Variants in NAALADL2 observed in about 807,000 individuals in gnomAD.
The protein encoded by NAALADL2 is N-acetylated alpha-linked acidic dipeptidase like 2, also known as inactive N-acetylated-alpha-linked acidic dipeptidase-like protein 2.
Under a neutral mutation model 87.2 loss-of-function variants are expected in NAALADL2, and 76 were observed. The observed-to-expected ratio is 0.87, with a 90% CI of 0.72 to 1.05. The LOEUF (loss-of-function observed/expected upper bound fraction) is 1.05, where lower values mean the gene tolerates loss of function less well. Among genes scored for constraint, NAALADL2 ranks in the 50% least tolerant of loss-of-function variants. NAALADL2 has a pLI of 0.00. For synonymous variants in NAALADL2, 354 were observed against 331.0 expected (o/e 1.07, Z -0.75); for missense variants, 1,089 against 945.8 (o/e 1.15, Z -1.99).
rs547242179 is a variant in NAALADL2, at chr3:175,597,339, C to T, written c.1800+21152C>T. ...ATCTGTGAAGTCTCAATAATCAATACTGCAAGACCATGTCTAATTCTACCT... is the reference window on the plus strand; with the variant it reads ...ATCTGTGAAGTCTCAATAATCAATATTGCAAGACCATGTCTAATTCTACCT... On this transcript the variant is annotated intron_variant, in intron 10 of 13. Coordinates refer to ENST00000454872, the MANE Select transcript of NAALADL2 (RefSeq NM_207015.3). 9.9e-5 allele frequency among the ~76,000 whole-genome samples: 15 copies of T among 152,046 alleles called. No homozygotes were observed. In the South Asian group the frequency reaches 3.1e-3, roughly 32 times the overall value.
chr3:175,094,753 CTATAGTGTGTG>C (rs1483014480), intron 1 of NAALADL2, among the ~76,000 whole-genome samples: 35 of 74,442 alleles, frequency 4.7e-4, no homozygotes, highest in Admixed American at 4.4e-3. Flanking sequence ...GCACCAGACA[CTATAGTGTGTG>C]TGTGTGTGTG....
chr3:174,651,418 A>G (rs545273484), intron 2 of NAALADL2, among the ~76,000 whole-genome samples: 10 of 152,338 alleles, frequency 6.6e-5, no homozygotes, highest in African/African-American at 2.4e-4. Context: ...CATGTGGACA[A>G]GCAATATTAA....
intron 9 of NAALADL2, among the ~76,000 whole-genome samples, chr3:175,542,709 T>C (rs1712582368): frequency 6.6e-6 from 1 of 152,206 alleles, no homozygotes; most frequent in African/African-American, 2.4e-5. Context: ...CATGGACATG[T>C]GGAGCCAACT....
intron 11 of NAALADL2, among the ~76,000 whole-genome samples, chr3:175,731,763 G>T (rs1021495199): frequency 1.3e-5 from 2 of 152,122 alleles, no homozygotes. Flanking sequence ...AGTGTTCAAG[G>T]TGCCAAGCCA....
chr3:174,660,553 A>G (rs768449019), intron 2 of NAALADL2, among the ~76,000 whole-genome samples: 4 of 152,174 alleles, frequency 2.6e-5, no homozygotes, highest in Non-Finnish European at 4.4e-5. Context: ...CCGTTTTCAT[A>G]TAATAACAAT....
intron 12 of NAALADL2, 102 bp downstream of exon 12, chr3:175,737,501 C>A: frequency 2.8e-6 from 2 of 726,310 alleles, no homozygotes; most frequent in Non-Finnish European, 4.8e-6. Context: ...CTAGCCATGG[C>A]AATGCTGTGC....
intron 1 of NAALADL2, among the ~76,000 whole-genome samples, chr3:175,037,119 A>T (rs773835272): frequency 2.0e-5 from 3 of 152,102 alleles, no homozygotes; most frequent in African/African-American, 4.8e-5. Flanking sequence ...CCAGTAACGA[A>T]AAAAGCTACT....
At chr3:174,969,240 GT>G (rs1743284213) in intron 1 of NAALADL2, among the ~76,000 whole-genome samples, 4 of 152,040 alleles carry the variant, frequency 2.6e-5, no homozygotes, top group Admixed American at 2.6e-4. Flanking sequence ...CATCCTTCAT[GT>G]TATCTTAAAT....
chr3:174,808,874 G>C (rs572354864), intron 3 of NAALADL2, among the ~76,000 whole-genome samples: 1 of 151,790 alleles, frequency 6.6e-6, no homozygotes, highest in African/African-American at 2.4e-5. Flanking sequence ...ATGTGTATGT[G>C]TATGTGTGTG....
At chr3:175,768,029 C>T (rs1244681401) in intron 13 of NAALADL2, among the ~76,000 whole-genome samples, 1 of 152,098 alleles carries the variant, frequency 6.6e-6, no homozygotes, top group Non-Finnish European at 1.5e-5. Flanking sequence ...ATGCCATTGT[C>T]CCTGGATCTT....
At chr3:175,521,680 C>A (rs1732680693) in intron 9 of NAALADL2, among the ~76,000 whole-genome samples, 1 of 152,062 alleles carries the variant, frequency 6.6e-6, no homozygotes, top group Non-Finnish European at 1.5e-5. Flanking sequence ...ACGGAGATGG[C>A]CACGTGAAGA....
At chr3:175,382,825 G>A (rs73186703) in intron 5 of NAALADL2, among the ~76,000 whole-genome samples, 27 of 151,734 alleles carry the variant, frequency 1.8e-4, no homozygotes, top group African/African-American at 6.0e-4. Flanking sequence ...GGGGGAACTC[G>A]AAGAAGATAT....
intron 9 of NAALADL2, among the ~76,000 whole-genome samples, chr3:175,559,033 A>C (rs1715825518): frequency 6.6e-6 from 1 of 152,116 alleles, no homozygotes; most frequent in African/African-American, 2.4e-5. Flanking sequence ...ACATTTTAAC[A>C]ATATTGATTT....
intron 3 of NAALADL2, among the ~76,000 whole-genome samples, chr3:174,738,641 G>T (rs1298558578): frequency 2.0e-5 from 3 of 152,110 alleles, no homozygotes; most frequent in Non-Finnish European, 4.4e-5. Flanking sequence ...GGTAGAGAGG[G>T]GGGAGGGTTG....
chr3:175,469,461 C>G (rs1317058065), intron 8 of NAALADL2, among the ~76,000 whole-genome samples: 1 of 152,022 alleles, frequency 6.6e-6, no homozygotes, highest in Admixed American at 6.6e-5. Context: ...ATAGAAAACT[C>G]TGGAAACCCA....
chr3:175,024,827 G>A (rs1752015476), intron 1 of NAALADL2, among the ~76,000 whole-genome samples: 1 of 151,930 alleles, frequency 6.6e-6, no homozygotes, highest in Non-Finnish European at 1.5e-5. Flanking sequence ...GTACATTTTA[G>A]AGAATCTACT....
intron 1 of NAALADL2, chr3:174,523,466 A>G (rs1426175529): frequency 2.6e-5 from 4 of 152,236 alleles, no homozygotes; most frequent in Admixed American, 6.5e-5. Flanking sequence ...GCAGAGATCA[A>G]TGATGGTTAA....
At chr3:174,952,387 C>A (rs1740501521) in intron 1 of NAALADL2, among the ~76,000 whole-genome samples, 1 of 152,074 alleles carries the variant, frequency 6.6e-6, no homozygotes, top group Non-Finnish European at 1.5e-5. Flanking sequence ...CAGCTCAAAT[C>A]AATTGCTTAT....
chr3:175,625,276 T>A (rs988115231), intron 10 of NAALADL2, among the ~76,000 whole-genome samples: 6 of 151,994 alleles, frequency 3.9e-5, no homozygotes, highest in African/African-American at 1.4e-4. Context: ...GATGAGAATG[T>A]CATGTTTCAA....
Sources: gnomAD v4.1 joint callset for allele counts (sites outside exome capture counted in the v4.1 genomes callset) on GRCh38, gnomAD v4.1.1 for gene constraint, MANE v1.5 for transcripts, NCBI Gene and HGNC (gene_info 2026-07-23, HGNC 2026-07-21) for gene names.